The following SPG7 variants were observed in gnomAD, a reference collection of about 807,000 sequenced individuals.
The protein encoded by SPG7 is SPG7 matrix AAA peptidase subunit, paraplegin.
SPG7 carries 103 observed loss-of-function variants against 81.9 expected under a neutral mutation model. That is an observed-to-expected ratio of 1.26 (90% CI 1.07 to 1.48). The LOEUF is 1.48. Ranked by LOEUF, SPG7 falls within the 40% of genes most tolerant of loss-of-function variation. The pLI, the probability that SPG7 is intolerant of heterozygous loss-of-function variation, is 0.00. For synonymous variants in SPG7, 534 were observed against 444.2 expected (o/e 1.20, Z -2.54); for missense variants, 1,241 against 1,087.3 (o/e 1.14, Z -1.99).
At chr16:89,530,159 G>A (rs1471322154) in intron 6 of SPG7, 1 of 272,824 alleles carries the variant, frequency 3.7e-6, no homozygotes, top group African/African-American at 2.3e-5. Context: ...GTGTGTGTGT[G>A]TGTGTGACAG....
chr16:89,531,833 G>C, intron 7 of SPG7, 71 bp from the exon 8 acceptor site: 1 of 1,526,274 alleles, frequency 6.6e-7, no homozygotes, highest in Admixed American at 1.7e-5. Flanking sequence ...GACCCAGAGA[G>C]ACCTTACCTC....
chr16:89,510,496 C>G lies in SPG7; in HGVS notation c.190C>G (p.Gln64Glu), dbSNP rs748847345. The change falls in exon 2 of 17, where the codon CAA becomes GAA. Residue 64 changes from glutamine to glutamate, a missense_variant. By Grantham distance (29) the Gln-to-Glu change is conservative (BLOSUM62 2). Coordinates refer to ENST00000645818, the MANE Select transcript of SPG7 (RefSeq NM_003119.4). ...GTTTTTTTTTTTTTTTCAGAGCTTACAATTGAGACTGCTAACCCCTACCTT... is the reference window on the plus strand; with the variant it reads ...GTTTTTTTTTTTTTTTCAGAGCTTAGAATTGAGACTGCTAACCCCTACCTT... ...EAGGRALQSLQLRLLTPTFEG... is the reference protein window; with the variant it reads ...EAGGRALQSLELRLLTPTFEG... 15 of 1,352,124 alleles carry G rather than the reference C, an allele frequency of 1.1e-5. No individual in the cohort carries two copies. In the South Asian group the frequency reaches 1.6e-4, roughly 15 times the overall value. 83.8% of individuals were successfully genotyped at this position (1,352,124 alleles called of 1,614,324 possible).
intron 16 of SPG7, 29 bp from the exon 17 acceptor site, chr16:89,556,856 ACT>A: frequency 6.5e-7 from 1 of 1,532,794 alleles, no homozygotes; most frequent in Middle Eastern, 1.7e-4. Flanking sequence ...TGCCCTGGGG[ACT>A]CACACACTGC....
At position 89,544,552 on chromosome 16, in the gene SPG7, C is replaced by T. The variant is rs2058538754; in HGVS notation, c.1325-96C>T. The T allele has an allele frequency of 2.8e-6, 4 of 1,447,244 alleles. No homozygotes were observed. The South Asian group carries it at 4.6e-5, about 17-fold the overall frequency. 89.7% of individuals were successfully genotyped at this position (1,447,244 alleles called of 1,614,324 possible). A position where few individuals can be genotyped will look rare whatever the true frequency, so the allele number is the denominator to read the frequency against. ...CTTTCTCTCTGGGCCTTAGGGGGGT[C>T]TCTCTCCCTCCTGTGTCCTGAAGGG... On this transcript the variant is annotated intron_variant, in intron 9 of 16. Transcript: ENST00000645818.
intron 13 of SPG7, chr16:89,552,602 G>A (rs1006984723): frequency 3.3e-5 from 11 of 329,872 alleles, no homozygotes; most frequent in African/African-American, 1.1e-4. Flanking sequence ...CCTCAGCATC[G>A]TGGGGTTCTC....
At position 89,529,461 on chromosome 16, in the gene SPG7, C is replaced by T. The variant is rs1555612292; in HGVS notation, c.759-16C>T. The T allele has an allele frequency of 1.3e-6, 2 of 1,586,002 alleles. No individual in the cohort carries two copies. The highest frequency in any genetic ancestry group is 8.6e-7 in the Non-Finnish European group (1 of 1,156,562). ...ACACCGTCTGAGCCTGTGCCTGCCT[C>T]TCTTTCTTCCGGCAGTGCCCTGTAC... On this transcript the variant is annotated splice_polypyrimidine_tract_variant and intron_variant, in intron 5 of 16. Coordinates refer to ENST00000645818, the MANE Select transcript of SPG7 (RefSeq NM_003119.4).
intron 2 of SPG7, among the ~76,000 whole-genome samples, chr16:89,512,554 A>AC (rs2058036775): frequency 6.6e-6 from 1 of 151,832 alleles, no homozygotes; most frequent in African/African-American, 2.4e-5. Context: ...CTCGTGAACC[A>AC]CCTGCCTCGG....
rs1041070223 is a variant in SPG7 at position 89,554,828 on chromosome 16, G to A, written c.2181+265G>A. 1.8e-5 allele frequency: 8 copies of A among 437,620 alleles called. No homozygotes were observed. The South Asian group carries it at 2.3e-4, about 12-fold the overall frequency. The allele number at this position is 437,620 out of a possible 1,614,324, so 27.1% of individuals were successfully genotyped here. A position where few individuals can be genotyped will look rare whatever the true frequency, so the allele number is the denominator to read the frequency against. On this transcript the variant is annotated intron_variant, in intron 16 of 16. Coordinates refer to ENST00000645818, the MANE Select transcript of SPG7 (RefSeq NM_003119.4). ...TGCCATTAGCAATTACCAATGTTTT[G>A]TCAGTTTTGTTTAATCTTTTCCCAA...
At chr16:89,550,371 C>G (rs1341060243) in intron 12 of SPG7, 123 bp from the exon 13 acceptor site, 9 of 753,052 alleles carry the variant, frequency 1.2e-5, no homozygotes, top group Non-Finnish European at 1.7e-5. Context: ...CGGGGTTTCA[C>G]CATATTGGTC....
At chr16:89,536,305 T>C (rs1285582224) in intron 9 of SPG7, among the ~76,000 whole-genome samples, 1 of 137,324 alleles carries the variant, frequency 7.3e-6, no homozygotes, top group African/African-American at 2.6e-5. Flanking sequence ...CTGTGTGGCC[T>C]TCAGTGTGGC....
intron 3 of SPG7, among the ~76,000 whole-genome samples, chr16:89,513,272 C>A (rs1489178746): frequency 6.6e-6 from 1 of 152,146 alleles, no homozygotes; most frequent in African/African-American, 2.4e-5. Flanking sequence ...TGGTGGCTCA[C>A]ACCTGTAATC....
chr16:89,551,432 C>T (rs1337916764), intron 13 of SPG7: 2 of 154,000 alleles, frequency 1.3e-5, no homozygotes, highest in African/African-American at 4.8e-5. Flanking sequence ...TCCTGCCCAT[C>T]CCAGGGTCTC....
intron 12 of SPG7, chr16:89,549,523 G>T (rs1390333502): frequency 3.1e-6 from 1 of 322,708 alleles, no homozygotes; most frequent in Non-Finnish European, 6.0e-6. Context: ...GTATTAGCCA[G>T]GCATGGTGGT....
In SPG7 at chr16:89,531,937, G is replaced by C; in HGVS notation, c.1021G>C (p.Val341Leu). The C allele has an allele frequency of 6.2e-7, 1 of 1,614,160 alleles. No homozygotes were observed. The highest frequency in any genetic ancestry group is 1.1e-5 in the South Asian group (1 of 91,086). The change falls in exon 8 of 17, where the codon GTC (valine) becomes CTC (leucine). Residue 341 changes from valine to leucine, a missense_variant. By Grantham distance (32) the Val-to-Leu change is conservative (BLOSUM62 1). Coordinates refer to ENST00000645818, the MANE Select transcript of SPG7 (RefSeq NM_003119.4). ...ACGCTTCCTCCAGCTTGGCGCCAAGGTCCCAAAGGGCGCACTGCTGCTCGG... is the reference window on the plus strand; with the variant it reads ...ACGCTTCCTCCAGCTTGGCGCCAAGCTCCCAAAGGGCGCACTGCTGCTCGG... ...PERFLQLGAK[V>L]PKGALLLGPP...
At position 89,556,864 on chromosome 16, in the gene SPG7, ACTGCT is replaced by A. The variant is rs1597668536; in HGVS notation, c.2182-22_2182-18del. 6.3e-7 allele frequency: 1 copy of A among 1,592,308 alleles called. No individual in the cohort carries two copies. Among genetic ancestry groups the A allele is most frequent in the East Asian group, 2.2e-5 (1 of 44,750 alleles). On this transcript the variant is annotated intron_variant, in intron 16 of 16. Transcript: ENST00000645818. ...CTCTGTCTGCCCTGGGGACTCACAC[ACTGCT>A]ATGCCTGTTCTTTCTAGCTGGCAAA...
intron 12 of SPG7, chr16:89,549,178 ATAG>A (rs1567930727): frequency 2.2e-6 from 1 of 456,644 alleles, no homozygotes; most frequent in Non-Finnish European, 4.4e-6. Flanking sequence ...GCTTTTGATA[ATAG>A]TAGCAAAGCA....
chr16:89,546,312 C>T (rs2058562589), intron 10 of SPG7: 1 of 339,904 alleles, frequency 2.9e-6, no homozygotes, highest in South Asian at 2.3e-5. Context: ...CCACTTCAGC[C>T]TCCCAAAGTG....
chr16:89,515,939 T>C (rs1341956422), intron 3 of SPG7, among the ~76,000 whole-genome samples: 3 of 151,650 alleles, frequency 2.0e-5, no homozygotes, highest in Admixed American at 6.6e-5. Flanking sequence ...AAACTCCCGA[T>C]GTCAGGCGAT....
intron 2 of SPG7, 110 bp from the exon 3 acceptor site, chr16:89,512,838 T>C: frequency 8.5e-7 from 1 of 1,176,364 alleles, no homozygotes; most frequent in East Asian, 2.4e-5. Context: ...AAGTAGGTTT[T>C]TCAGATGGTT....
Sources: allele counts gnomAD v4.1 joint callset (sites outside exome capture counted in the v4.1 genomes callset), GRCh38; gene constraint gnomAD v4.1.1; transcripts MANE v1.5; gene names NCBI Gene and HGNC (gene_info 2026-07-23, HGNC 2026-07-21).